The following CDKN1A variants were observed in gnomAD, a reference collection of about 807,000 sequenced individuals.
CDKN1A encodes cyclin-dependent kinase inhibitor 1.
A neutral mutation model predicts 14.8 loss-of-function variants in CDKN1A; 14 were observed. That is an observed-to-expected ratio of 0.94 (90% CI 0.62 to 1.48). The LOEUF (loss-of-function observed/expected upper bound fraction) is 1.48, where lower values mean the gene tolerates loss of function less well. CDKN1A is among the 40% of genes most tolerant of loss of function. The pLI is 0.00. For synonymous variants in CDKN1A, 92 were observed against 93.5 expected (o/e 0.98, Z 0.09); for missense variants, 203 against 231.7 (o/e 0.88, Z 0.80).
rs756718995 is a variant in CDKN1A at position 36,685,994 on chromosome 6, C to T, written c.*194C>T. ...TAGAATTATTTAAACAAAAACTAGG[C>T]GGTTGAATGAGAGGTTCCTAAGAGT... On this transcript the variant is annotated 3_prime_UTR_variant, in exon 3 of 3. Transcript: ENST00000244741. 15 of 631,174 alleles carry T rather than the reference C, an allele frequency of 2.4e-5. No homozygotes were observed. The highest frequency in any genetic ancestry group is 5.5e-5 in the East Asian group (2 of 36,492). The allele number at this position is 631,174 out of a possible 1,614,324, so 39.1% of individuals were successfully genotyped here.
At position 36,678,966 on chromosome 6, in the gene CDKN1A, C is replaced by G. The variant is rs905732361; in HGVS notation, c.-6+168C>G. 16 of 984,802 alleles carry G rather than the reference C, an allele frequency of 1.6e-5. No homozygotes were observed. The highest frequency in any genetic ancestry group is 1.9e-5 in the Non-Finnish European group (16 of 829,962). The allele number at this position is 984,802 out of a possible 1,614,324, so 61.0% of individuals were successfully genotyped here. ...TGAATGACGGGCGTGGGTCGGTGCG[C>G]GCTCGGCTTGCGCACACGGTGTCTC... is the stretch of plus-strand genomic sequence containing the variant. On this transcript the variant is annotated intron_variant, in intron 1 of 2. Coordinates refer to ENST00000244741, the MANE Select transcript of CDKN1A (RefSeq NM_000389.5). This position sits in a 1 kb window ranked among gnomAD's most constrained non-coding sequence, Gnocchi z 5.7.
chr6:36,677,971 A>G, upstream of CDKN1A: 3 of 1,012,948 alleles, frequency 3.0e-6, no homozygotes, highest in Non-Finnish European at 2.8e-6. Context: ...TCAATGTCCA[A>G]TTCTTCTGTT....
intron 1 of CDKN1A, among the ~76,000 whole-genome samples, chr6:36,681,266 T>TTCTTTCTC (rs1353722801): frequency 9.4e-5 from 7 of 74,378 alleles, no homozygotes; most frequent in East Asian, 4.1e-4. Flanking sequence ...CTAGGTGCTT[T>TTCTTTCTC]TCTTTCTTTC....
chr6:36,685,576 C>A (rs1762170755), intron 2 of CDKN1A, among the ~76,000 whole-genome samples, 175 bp from the exon 3 acceptor site: 1 of 152,212 alleles, frequency 6.6e-6, no homozygotes, highest in Admixed American at 6.5e-5. Context: ...GTGGGACACT[C>A]CATAATACCC....
In CDKN1A at chr6:36,678,832, G is replaced by A. The variant is rs537531170; in HGVS notation, c.-6+34G>A. On this transcript the variant is annotated intron_variant, in intron 1 of 2. Transcript: ENST00000244741. This position sits in a 1 kb window ranked among gnomAD's most constrained non-coding sequence, Gnocchi z 5.7. ...GCGGCGGCAGACAACAGGGGACCCC[G>A]GGCCGGCGGCCCAGAGCCGAGCCAA... is the stretch of plus-strand genomic sequence containing the variant. The A allele has an allele frequency of 3.0e-6, 3 of 985,792 alleles. No individual in the cohort carries two copies. The highest frequency in any genetic ancestry group is 9.4e-5 in the South Asian group (2 of 21,306). The allele number at this position is 985,792 out of a possible 1,614,324, so 61.1% of individuals were successfully genotyped here.
chr6:36,685,219 G>A (rs780507759), intron 2 of CDKN1A, among the ~76,000 whole-genome samples: 11 of 152,204 alleles, frequency 7.2e-5, no homozygotes, highest in Non-Finnish European at 1.2e-4. Context: ...TGAATTTGCC[G>A]TTGGGTCAAG....
intron 1 of CDKN1A, among the ~76,000 whole-genome samples, chr6:36,681,576 C>T (rs1304836972): frequency 6.8e-6 from 1 of 146,634 alleles, no homozygotes; most frequent in Non-Finnish European, 1.5e-5. Context: ...CCCCCGCCCC[C>T]ATGCCCAGAT....
intron 1 of CDKN1A, among the ~76,000 whole-genome samples, chr6:36,681,358 T>C (rs1242993445): frequency 9.6e-6 from 1 of 104,130 alleles, no homozygotes; most frequent in Admixed American, 1.0e-4. Context: ...TTCTTTTTCT[T>C]TCTTTTCTTT....
Position 36,684,081 on chromosome 6 carries a change from T to G in CDKN1A, c.-5-16T>G. 1 of 1,612,272 alleles carries G rather than the reference T, an allele frequency of 6.2e-7. No individual in the cohort carries two copies. The highest frequency in any genetic ancestry group is 8.5e-7 in the Non-Finnish European group (1 of 1,179,634). ...TCTCCGCCGTGACCAGGGCCTTCCT[T>G]GTATCTCTGCTGCAGGCGCCATGTC... On this transcript the variant is annotated splice_polypyrimidine_tract_variant and intron_variant, in intron 1 of 2. Coordinates refer to ENST00000244741, the MANE Select transcript of CDKN1A (RefSeq NM_000389.5). This position sits in a 1 kb window ranked among gnomAD's most constrained non-coding sequence, Gnocchi z 6.0.
rs1286834345 is a variant in CDKN1A, at chr6:36,686,831, GGTTAT to G, written c.*1032_*1036del. Reference sequence around the variant, plus strand: ...TGGTGGCACAGGCCCCCTTGAGTGGGGTTATCTCTGTGTTAGGGGTATATGATGGG... The same window carrying G: ...TGGTGGCACAGGCCCCCTTGAGTGGGCTCTGTGTTAGGGGTATATGATGGG... On this transcript the variant is annotated 3_prime_UTR_variant, in exon 3 of 3. Transcript: ENST00000244741. This position sits in a 1 kb window ranked among gnomAD's most constrained non-coding sequence, Gnocchi z 4.9. 1 of 233,726 alleles carries G rather than the reference GGTTAT, an allele frequency of 4.3e-6. No individual in the cohort carries two copies. Among genetic ancestry groups the G allele is most frequent in the Non-Finnish European group, 8.5e-6 (1 of 118,168 alleles). 14.5% of individuals were successfully genotyped at this position (233,726 alleles called of 1,614,324 possible).
Position 36,685,786 on chromosome 6 carries a change from A to C in CDKN1A, c.481A>C (p.Lys161Gln), listed in dbSNP as rs1762181299. 6.2e-7 allele frequency: 1 copy of C among 1,614,042 alleles called. No individual in the cohort carries two copies. Among genetic ancestry groups the C allele is most frequent in the Non-Finnish European group, 8.5e-7 (1 of 1,180,024 alleles). Residue 161 changes from lysine to glutamine, a missense_variant, in exon 3 of 3, where the codon AAG becomes CAG. Physicochemically the swap from Lys to Gln is moderately conservative, Grantham distance 53 (BLOSUM62 1). Coordinates refer to ENST00000244741, the MANE Select transcript of CDKN1A (RefSeq NM_000389.5). ...CTCCAAACGCCGGCTGATCTTCTCCAAGAGGAAGCCCTAATCCGCCCACAG... is the reference window on the plus strand; with the variant it reads ...CTCCAAACGCCGGCTGATCTTCTCCCAGAGGAAGCCCTAATCCGCCCACAG... ...YHSKRRLIFSKRKP is the reference protein window; with the variant it reads ...YHSKRRLIFSQRKP
At chr6:36,681,334 T>C (rs111735301) in intron 1 of CDKN1A, among the ~76,000 whole-genome samples, 8,786 of 86,212 alleles carry the variant, frequency 0.1, 946 homozygotes, top group East Asian at 0.22. Context: ...CTTTCTTTCT[T>C]TTTCTTTCTT....
upstream of CDKN1A, chr6:36,677,992 T>C: frequency 1.2e-6 from 1 of 866,672 alleles, no homozygotes; most frequent in East Asian, 4.3e-5. Flanking sequence ...TCCCTGGAGA[T>C]CAGGTTGCCC....
Position 36,684,044 on chromosome 6 carries a change from CAT to C in CDKN1A, c.-5-51_-5-50del, listed in dbSNP as rs1441668958. On this transcript the variant is annotated intron_variant, in intron 1 of 2. Transcript: ENST00000244741. The surrounding 1 kb of genome is among the most constrained non-coding windows in gnomAD (Gnocchi z 6.0). ...GACACAGCAAAGCCCGGCCAGGTAA[CAT>C]AGTGTCTAATCTCCGCCGTGACCAG... 7 of 1,564,272 alleles carry C rather than the reference CAT, an allele frequency of 4.5e-6. No individual in the cohort carries two copies. The highest frequency in any genetic ancestry group is 6.1e-6 in the Non-Finnish European group (7 of 1,144,768).
chr6:36,685,804 G>C lies in CDKN1A; in HGVS notation c.*4G>C, dbSNP rs747014318. ...CTTCTCCAAGAGGAAGCCCTAATCC[G>C]CCCACAGGAAGCCTGCAGTCCTGGA... On this transcript the variant is annotated 3_prime_UTR_variant, in exon 3 of 3. Transcript: ENST00000244741. The C allele has an allele frequency of 1.2e-6, 2 of 1,613,956 alleles. No homozygotes were observed. Among genetic ancestry groups the C allele is most frequent in the South Asian group, 2.2e-5 (2 of 91,076 alleles).
At chr6:36,683,774 G>A (rs1230689072) in intron 1 of CDKN1A, among the ~76,000 whole-genome samples, 1 of 152,220 alleles carries the variant, frequency 6.6e-6, no homozygotes, top group Non-Finnish European at 1.5e-5. Flanking sequence ...CACCTCTGGG[G>A]GGAAAACAAA....
chr6:36,679,807 G>A (rs1398589951), intron 1 of CDKN1A, among the ~76,000 whole-genome samples: 1 of 151,994 alleles, frequency 6.6e-6, no homozygotes, highest in Non-Finnish European at 1.5e-5. Flanking sequence ...CTGGACTCCG[G>A]GGCGGGAGCG....
chr6:36,679,369 C>G (rs1761819583), intron 1 of CDKN1A, among the ~76,000 whole-genome samples: 1 of 152,174 alleles, frequency 6.6e-6, no homozygotes. Flanking sequence ...GCGCTGAGGT[C>G]AGCGCGGGCT....
At position 36,684,031 on chromosome 6, in the gene CDKN1A, C is replaced by T; in HGVS notation, c.-5-66C>T. Reference sequence around the variant, plus strand: ...CGTCACCTGAGGTGACACAGCAAAGCCCGGCCAGGTAACATAGTGTCTAAT... The same window carrying T: ...CGTCACCTGAGGTGACACAGCAAAGTCCGGCCAGGTAACATAGTGTCTAAT... On this transcript the variant is annotated intron_variant, in intron 1 of 2. Coordinates refer to ENST00000244741, the MANE Select transcript of CDKN1A (RefSeq NM_000389.5). The surrounding 1 kb of genome is among the most constrained non-coding windows in gnomAD (Gnocchi z 6.0). 6.7e-7 allele frequency: 1 copy of T among 1,502,786 alleles called. No individual in the cohort carries two copies. Among genetic ancestry groups the T allele is most frequent in the Non-Finnish European group, 9.1e-7 (1 of 1,097,492 alleles). The allele number at this position is 1,502,786 out of a possible 1,614,324, so 93.1% of individuals were successfully genotyped here. A position where few individuals can be genotyped will look rare whatever the true frequency, so the allele number is the denominator to read the frequency against.
Sources: gnomAD v4.1 joint callset for allele counts (sites outside exome capture counted in the v4.1 genomes callset) on GRCh38, gnomAD v4.1.1 for gene constraint, Gnocchi (gnomAD v3.1) non-coding constraint, MANE v1.5 for transcripts, NCBI Gene and HGNC (gene_info 2026-07-23, HGNC 2026-07-21) for gene names.